The following NPR3 variants were observed in gnomAD, a reference collection of about 807,000 sequenced individuals.
The protein encoded by NPR3 is atrial natriuretic peptide receptor 3.
NPR3 carries 34 observed loss-of-function variants against 54.5 expected under a neutral mutation model. The observed-to-expected ratio is 0.62, with a 90% confidence interval of 0.47 to 0.83. The LOEUF (loss-of-function observed/expected upper bound fraction) is 0.83, where lower values mean the gene tolerates loss of function less well. Ranked by LOEUF, NPR3 falls within the 40% of genes least tolerant of loss-of-function variation. NPR3 has a pLI of 0.00. For synonymous variants in NPR3, 289 were observed against 297.1 expected, an observed-to-expected ratio of 0.97 and a Z score of 0.28; for missense variants, 674 against 720.8, an observed-to-expected ratio of 0.94 and a Z score of 0.74.
intron 1 of NPR3, among the ~76,000 whole-genome samples, chr5:32,722,228 G>C (rs7706891): frequency 0.72 from 108,803 of 152,018 alleles, 39,607 homozygotes; most frequent in Middle Eastern, 0.8. Flanking sequence ...TTGGACCCTG[G>C]CTGTTTGGTC....
At chr5:32,747,712 T>C (rs934363212) in intron 3 of NPR3, among the ~76,000 whole-genome samples, 3 of 152,092 alleles carry the variant, frequency 2.0e-5, no homozygotes, top group African/African-American at 7.2e-5. Flanking sequence ...AGATCTCCTT[T>C]TTTCTTAAAT....
chr5:32,739,078 CT>C, intron 3 of NPR3, 48 bp downstream of exon 3: 7 of 1,571,928 alleles, frequency 4.5e-6, no homozygotes, highest in Non-Finnish European at 6.1e-6. Context: ...TGAAAACTGT[CT>C]TCTAATTAAA....
rs1742825704 is a variant in NPR3, at chr5:32,789,927, T to G, written c.*3582T>G. 2.8e-6 allele frequency: 1 copy of G among 358,700 alleles called. No homozygotes were observed. The highest frequency in any genetic ancestry group is 3.9e-5 in the Admixed American group (1 of 25,760). The allele number at this position is 358,700 out of a possible 1,614,324, so 22.2% of individuals were successfully genotyped here. On this transcript the variant is annotated 3_prime_UTR_variant, in exon 8 of 8. Coordinates refer to ENST00000265074, the MANE Select transcript of NPR3 (RefSeq NM_001204375.2). ...TTATAAACTGGAAGGAACAAGTACCTGTGTTTCTTGGGACACAAAGCACTC... is the reference window on the plus strand; with the variant it reads ...TTATAAACTGGAAGGAACAAGTACCGGTGTTTCTTGGGACACAAAGCACTC...
intron 6 of NPR3, 91 bp downstream of exon 6, chr5:32,783,119 C>A: frequency 7.9e-7 from 1 of 1,260,150 alleles, no homozygotes; most frequent in Non-Finnish European, 1.1e-6. Context: ...TAGGGCCTTA[C>A]ATTTTGGAAT....
intron 3 of NPR3, among the ~76,000 whole-genome samples, chr5:32,774,420 G>A (rs769119785): frequency 1.3e-5 from 2 of 152,150 alleles, no homozygotes; most frequent in Non-Finnish European, 2.9e-5. Flanking sequence ...TTGTCCAAAA[G>A]GGACCATTGG....
chr5:32,707,845 GT>G (rs1273262449), upstream of NPR3, among the ~76,000 whole-genome samples: 1 of 152,082 alleles, frequency 6.6e-6, no homozygotes, highest in Non-Finnish European at 1.5e-5. Flanking sequence ...TCACATGTTA[GT>G]TTTCCTATAT....
chr5:32,715,291 T>C (rs995778114), intron 1 of NPR3, among the ~76,000 whole-genome samples: 2 of 152,236 alleles, frequency 1.3e-5, no homozygotes, highest in Admixed American at 6.5e-5. Context: ...CTATTAAGTA[T>C]TATGAATTAA....
Position 32,701,921 on chromosome 5 carries a change from C to G in NPR3, c.100+12735C>G, listed in dbSNP as rs147372390. On this transcript the variant is annotated intron_variant, in intron 1 of 5. Transcript: ENST00000509104. ...CTGAGCTGCCTGAAGCCAGGGAATGCTGACATAAGTATCTCTGTTGTGGCC... is the reference window on the plus strand; with the variant it reads ...CTGAGCTGCCTGAAGCCAGGGAATGGTGACATAAGTATCTCTGTTGTGGCC... Among the ~76,000 whole-genome samples, 248 of 152,298 alleles carry G rather than the reference C, an allele frequency of 1.6e-3. 3 individuals carry two copies. The highest frequency in any genetic ancestry group is 5.9e-3 in the African/African-American group (245 of 41,554).
At chr5:32,717,797 C>T (rs1328543911) in intron 1 of NPR3, among the ~76,000 whole-genome samples, 2 of 152,114 alleles carry the variant, frequency 1.3e-5, no homozygotes, top group Non-Finnish European at 2.9e-5. Flanking sequence ...TTCTCCCATT[C>T]TCTAGGTTGC....
upstream of NPR3, among the ~76,000 whole-genome samples, chr5:32,705,806 A>G (rs1055097226): frequency 7.9e-5 from 12 of 152,230 alleles, no homozygotes; most frequent in African/African-American, 1.9e-4. Flanking sequence ...AATCAACGCC[A>G]TAGATATCTC....
intron 1 of NPR3, among the ~76,000 whole-genome samples, chr5:32,722,043 AT>A (rs1250555469): frequency 6.6e-6 from 1 of 152,152 alleles, no homozygotes; most frequent in East Asian, 1.9e-4. Flanking sequence ...CCACCAACAA[AT>A]GATTTTGAGC....
chr5:32,762,092 T>A (rs1022660819), intron 3 of NPR3, among the ~76,000 whole-genome samples: 1 of 152,170 alleles, frequency 6.6e-6, no homozygotes, highest in African/African-American at 2.4e-5. Context: ...GCTTCCCAGC[T>A]TCATCCATGT....
chr5:32,732,158 G>A (rs1003924469), intron 2 of NPR3, among the ~76,000 whole-genome samples: 2 of 149,268 alleles, frequency 1.3e-5, no homozygotes, highest in African/African-American at 4.9e-5. Context: ...GGAGAATGGC[G>A]TGAACCCGGG....
At chr5:32,778,736 T>C (rs1392016437) in intron 4 of NPR3, among the ~76,000 whole-genome samples, 1 of 152,210 alleles carries the variant, frequency 6.6e-6, no homozygotes, top group Non-Finnish European at 1.5e-5. Flanking sequence ...ACTTTGCTAA[T>C]TGGCCACGCT....
intron 2 of NPR3, among the ~76,000 whole-genome samples, chr5:32,729,419 G>T (rs1411432632): frequency 6.6e-6 from 1 of 152,106 alleles, no homozygotes; most frequent in African/African-American, 2.4e-5. Flanking sequence ...AAAAGTTTTG[G>T]ATTTTGGAAC....
intron 3 of NPR3, among the ~76,000 whole-genome samples, chr5:32,752,872 A>G (rs1310361125): frequency 5.3e-5 from 8 of 152,216 alleles, no homozygotes; most frequent in Non-Finnish European, 1.2e-4. Flanking sequence ...TCTAAAAAAT[A>G]TACATTACTC....
intron 1 of NPR3, among the ~76,000 whole-genome samples, chr5:32,702,876 C>T (rs904232046): frequency 6.6e-6 from 1 of 152,176 alleles, no homozygotes; most frequent in Non-Finnish European, 1.5e-5. Flanking sequence ...ACAGTCCCAC[C>T]AACAATGTAA....
chr5:32,701,288 A>C (rs138066001), intron 1 of NPR3, among the ~76,000 whole-genome samples: 1,818 of 152,234 alleles, frequency 0.012, 48 homozygotes, highest in African/African-American at 0.04. Flanking sequence ...TTCTGCTGTT[A>C]AGAGACTCTG....
At chr5:32,753,571 T>C (rs1030411454) in intron 3 of NPR3, among the ~76,000 whole-genome samples, 2 of 151,878 alleles carry the variant, frequency 1.3e-5, no homozygotes, top group African/African-American at 4.8e-5. Flanking sequence ...CTTTTTTTTT[T>C]CTGCCTTTCT....
Sources: gnomAD v4.1 joint callset for allele counts (sites outside exome capture counted in the v4.1 genomes callset) on GRCh38, gnomAD v4.1.1 for gene constraint, MANE v1.5 for transcripts, NCBI Gene and HGNC (gene_info 2026-07-23, HGNC 2026-07-21) for gene names.